GCNT1: variants seen among roughly 807,000 people sequenced by gnomAD.
The protein encoded by GCNT1 is beta-1,3-galactosyl-O-glycosyl-glycoprotein beta-1,6-N-acetylglucosaminyltransferase.
In GCNT1, 16 loss-of-function variants were observed where a neutral mutation model predicts 26.2. The ratio of observed to expected loss-of-function variants is 0.61; its 90% CI spans 0.41 to 0.93. GCNT1 has a LOEUF of 0.93. Ranked by LOEUF, GCNT1 falls within the 40% of genes least tolerant of loss-of-function variation. The probability of loss-of-function intolerance (pLI) is 0.00; values close to 1 mark genes in which losing one functional copy is unlikely to be tolerated. For missense variants in GCNT1, 477 were observed against 526.7 expected, an observed-to-expected ratio of 0.91 and a Z score of 0.92; for synonymous variants, 183 against 190.8, an observed-to-expected ratio of 0.96 and a Z score of 0.34.
intron 2 of GCNT1, among the ~76,000 whole-genome samples, chr9:76,475,925 G>T (rs1029445402): frequency 2.6e-5 from 4 of 152,258 alleles, no homozygotes; most frequent in Non-Finnish European, 5.9e-5. Context: ...TCACACTTCT[G>T]TTTTGCTCCG....
At chr9:76,413,236 A>G in the GCNT1 span, among the ~76,000 whole-genome samples, 1 of 152,234 alleles carries the variant, frequency 6.6e-6, no homozygotes, top group East Asian at 1.9e-4. Flanking sequence ...CTTGGTAGAA[A>G]TAAACTGGAC....
chr9:76,394,236 G>T, the GCNT1 span: 2 of 1,497,388 alleles, frequency 1.3e-6, no homozygotes, highest in South Asian at 2.5e-5. Context: ...CGCCGTCGAC[G>T]CGGCGCCCAG....
intron 2 of GCNT1, among the ~76,000 whole-genome samples, chr9:76,479,265 A>G (rs1359049910): frequency 6.6e-6 from 1 of 152,192 alleles, no homozygotes; most frequent in Non-Finnish European, 1.5e-5. Flanking sequence ...ATTGTTGGAC[A>G]TTTGGGTTGG....
the GCNT1 span, chr9:76,394,082 G>T: frequency 3.9e-5 from 63 of 1,597,014 alleles, no homozygotes; most frequent in East Asian, 5.2e-4. Flanking sequence ...TGGCCGCCCT[G>T]CTCTCACCTG....
upstream of GCNT1, among the ~76,000 whole-genome samples, chr9:76,415,205 G>A (rs71509873): frequency 0.031 from 4,710 of 152,070 alleles, 98 homozygotes; most frequent in Non-Finnish European, 0.048. Context: ...CTACAGGCAC[G>A]CACCACATAC....
At chr9:76,427,198 CT>C (rs35341377) in intron 1 of GCNT1, among the ~76,000 whole-genome samples, 13,143 of 141,926 alleles carry the variant, frequency 0.093, 822 homozygotes, top group African/African-American at 0.18. Context: ...CTGCCAACAC[CT>C]TTTTTTTTTT....
chr9:76,393,928 C>G, the GCNT1 span: 4 of 664,434 alleles, frequency 6.0e-6, no homozygotes, highest in African/African-American at 7.6e-5. Context: ...CTCAACCGAG[C>G]CAACGGTCCT....
chr9:76,461,479 G>A (rs1385672328), intron 2 of GCNT1, among the ~76,000 whole-genome samples: 1 of 151,848 alleles, frequency 6.6e-6, no homozygotes, highest in Non-Finnish European at 1.5e-5. Context: ...AGCTACTCGG[G>A]AGGCTGAGAC....
chr9:76,442,208 G>C (rs1267878782), exon 1 of GCNT1: 1 of 152,206 alleles, frequency 6.6e-6, no homozygotes, highest in Non-Finnish European at 1.5e-5. Context: ...AGCTAGAAAT[G>C]GCAAGGAAAT....
At chr9:76,476,053 G>A (rs1395820799) in intron 2 of GCNT1, among the ~76,000 whole-genome samples, 1 of 152,188 alleles carries the variant, frequency 6.6e-6, no homozygotes, top group Non-Finnish European at 1.5e-5. Context: ...TGGGGAGACA[G>A]TGCTTTTTAT....
rs1825214160 is a variant in GCNT1 at position 76,505,475 on chromosome 9, A to C, written c.*1807A>C. 6.0e-6 allele frequency: 1 copy of C among 167,086 alleles called. No individual in the cohort carries two copies. Among genetic ancestry groups the C allele is most frequent in the Non-Finnish European group, 1.5e-5 (1 of 68,134 alleles). The allele number at this position is 167,086 out of a possible 1,614,324, so 10.4% of individuals were successfully genotyped here. A position where few individuals can be genotyped will look rare whatever the true frequency, so the allele number is the denominator to read the frequency against. On this transcript the variant is annotated 3_prime_UTR_variant, in exon 4 of 4. Transcript: ENST00000376730. ...CCAGTTTTGTCCTTTAATGCATGTCAAATATTTCTCCCATGCTTCTCTTAG... is the reference window on the plus strand; with the variant it reads ...CCAGTTTTGTCCTTTAATGCATGTCCAATATTTCTCCCATGCTTCTCTTAG...
At chr9:76,427,997 A>G (rs1823278420) in intron 1 of GCNT1, among the ~76,000 whole-genome samples, 1 of 152,066 alleles carries the variant, frequency 6.6e-6, no homozygotes, top group African/African-American at 2.4e-5. Context: ...CAAAACAAAC[A>G]AACAAACAAA....
intron 2 of GCNT1, among the ~76,000 whole-genome samples, chr9:76,477,018 G>A (rs1162085736): frequency 2.0e-5 from 3 of 151,970 alleles, no homozygotes; most frequent in Admixed American, 1.3e-4. Context: ...AGGCTCAAGC[G>A]AGTCTCGTGC....
At chr9:76,394,366 C>T in the GCNT1 span, 4 of 506,914 alleles carry the variant, frequency 7.9e-6, no homozygotes, top group South Asian at 2.8e-5. Flanking sequence ...CCAACAAATA[C>T]CGCCGGGCGC....
Position 76,505,024 on chromosome 9 carries a change from T to G in GCNT1, c.*1356T>G, listed in dbSNP as rs1238064083. ...TATAATGCTGTCACACATCTCAAAGTACATTCAAATCTTAAAAAGAAATTC... is the reference window on the plus strand; with the variant it reads ...TATAATGCTGTCACACATCTCAAAGGACATTCAAATCTTAAAAAGAAATTC... On this transcript the variant is annotated 3_prime_UTR_variant, in exon 4 of 4. Transcript: ENST00000376730. The G allele has an allele frequency of 2.4e-6, 1 of 412,918 alleles. No individual in the cohort carries two copies. Among genetic ancestry groups the G allele is most frequent in the East Asian group, 3.6e-5 (1 of 28,094 alleles). 25.6% of individuals were successfully genotyped at this position (412,918 alleles called of 1,614,324 possible).
At chr9:76,479,578 T>G (rs1482551412) in intron 2 of GCNT1, among the ~76,000 whole-genome samples, 1 of 152,260 alleles carries the variant, frequency 6.6e-6, no homozygotes, top group South Asian at 2.1e-4. Context: ...TGGTATCTCA[T>G]TGCAGTTTTG....
chr9:76,477,747 T>C (rs1243719470), intron 2 of GCNT1, among the ~76,000 whole-genome samples: 1 of 152,180 alleles, frequency 6.6e-6, no homozygotes, highest in Admixed American at 6.5e-5. Flanking sequence ...CTTTTCATTA[T>C]CCCAAACAGA....
the GCNT1 span, chr9:76,399,393 C>G: frequency 2.2e-5 from 32 of 1,462,104 alleles, 1 homozygote; most frequent in South Asian, 3.4e-4. Context: ...GGTGAATGGA[C>G]TGCTCCAGCT....
At chr9:76,500,207 C>G (rs1006762104) in intron 2 of GCNT1, among the ~76,000 whole-genome samples, 3 of 152,056 alleles carry the variant, frequency 2.0e-5, no homozygotes, top group African/African-American at 7.2e-5. Flanking sequence ...TCTACCCCTA[C>G]CCTGAGGAGG....
Sources: allele counts gnomAD v4.1 joint callset (sites outside exome capture counted in the v4.1 genomes callset), GRCh38; gene constraint gnomAD v4.1.1; transcripts MANE v1.5; gene names NCBI Gene and HGNC (gene_info 2026-07-23, HGNC 2026-07-21).